Variants in ASAP1 observed in about 807,000 individuals in gnomAD.
ASAP1 encodes ArfGAP with SH3 domain, ankyrin repeat and PH domain 1.
A neutral mutation model predicts 145.2 loss-of-function variants in ASAP1; 43 were observed. That is an observed-to-expected ratio of 0.30 (90% CI 0.23 to 0.38). The LOEUF is 0.38. ASAP1 is among the 10% of genes least tolerant of loss of function. The pLI, the probability that ASAP1 is intolerant of heterozygous loss-of-function variation, is 1.00. For missense variants in ASAP1, 1,018 were observed against 1,355.3 expected (o/e 0.75, Z 3.91); for synonymous variants, 546 against 515.5 (o/e 1.06, Z -0.80).
chr8:130,075,351 C>G (rs1448090906), intron 27 of ASAP1, among the ~76,000 whole-genome samples: 4 of 152,192 alleles, frequency 2.6e-5, no homozygotes, highest in Non-Finnish European at 4.4e-5. Context: ...CCTGGCCTGA[C>G]CAGTCAGTGC....
intron 1 of ASAP1, among the ~76,000 whole-genome samples, chr8:130,433,691 T>G (rs945892368): frequency 1.3e-5 from 2 of 152,238 alleles, no homozygotes; most frequent in Admixed American, 6.5e-5. Context: ...CTTTCATGCT[T>G]CTTCTCCCTA....
intron 5 of ASAP1, among the ~76,000 whole-genome samples, chr8:130,205,848 CTCTGAATTTTGAAACAAATCTAA>C (rs1816185921): frequency 6.6e-6 from 1 of 151,960 alleles, no homozygotes; most frequent in Non-Finnish European, 1.5e-5. Flanking sequence ...ATCGGTAAAA[CTCTGAATTTTGAAACAAATCTAA>C]CCCCAAGGAT....
chr8:130,115,505 T>A (rs1012052904), intron 23 of ASAP1, 123 bp downstream of exon 23: 4 of 751,750 alleles, frequency 5.3e-6, no homozygotes, highest in Non-Finnish European at 9.3e-6. Context: ...ACAACATAAA[T>A]GGCCCTGATA....
chr8:130,254,467 T>C (rs1156586933), intron 3 of ASAP1, among the ~76,000 whole-genome samples: 1 of 152,086 alleles, frequency 6.6e-6, no homozygotes, highest in Non-Finnish European at 1.5e-5. Context: ...ACAGTATAAC[T>C]TCACACATTC....
At chr8:130,141,397 G>C (rs2097610700) in intron 13 of ASAP1, among the ~76,000 whole-genome samples, 1 of 152,040 alleles carries the variant, frequency 6.6e-6, no homozygotes, top group African/African-American at 2.4e-5. Context: ...AGAGCTCCCT[G>C]CTCACTCCCT....
At chr8:130,440,140 T>C (rs113102810) in intron 1 of ASAP1, among the ~76,000 whole-genome samples, 4,790 of 152,184 alleles carry the variant, frequency 0.031, 96 homozygotes, top group African/African-American at 0.057. Flanking sequence ...TCTACCTCCA[T>C]TGCTGCTGTC....
Position 130,116,702 on chromosome 8 carries a change from T to C in ASAP1, c.2040A>G (p.Leu680=), listed in dbSNP as rs373027408. 1.2e-6 allele frequency: 2 copies of C among 1,614,044 alleles called. No homozygotes were observed. Among genetic ancestry groups the C allele is most frequent in the Non-Finnish European group, 1.7e-6 (2 of 1,180,004 alleles). Residue 680 remains leucine (L), a synonymous_variant, in exon 22 of 30, where the codon CTA becomes CTG. Coordinates refer to ENST00000518721, the MANE Select transcript of ASAP1 (RefSeq NM_018482.4). ...GETALDIAKR[L]KATQCEDLLS... ...CCAGATCTTCACACTGGGTAGCTTT[T>C]AGTCTCTTTGCTATGTCTAGGGCAG...
chr8:130,346,446 C>T (rs553165789), intron 3 of ASAP1, among the ~76,000 whole-genome samples: 1 of 152,318 alleles, frequency 6.6e-6, no homozygotes, highest in African/African-American at 2.4e-5. Context: ...GCATGCATAT[C>T]TGCATTTTTT....
At position 130,299,387 on chromosome 8, in the gene ASAP1, G is replaced by T. The variant is rs560640932; in HGVS notation, c.186+58630C>A. 3.3e-5 allele frequency among the ~76,000 whole-genome samples: 5 copies of T among 152,272 alleles called. No homozygotes were observed. The East Asian group carries it at 9.6e-4, about 29-fold the overall frequency. On this transcript the variant is annotated intron_variant, in intron 3 of 29. Transcript: ENST00000518721. ...AGGGAATACAAAAGGTAAAAAAGTAGGTCACAAATAAACTCAGCAATACTA... is the reference window on the plus strand; with the variant it reads ...AGGGAATACAAAAGGTAAAAAAGTATGTCACAAATAAACTCAGCAATACTA...
Position 130,285,743 on chromosome 8 carries a change from C to T in ASAP1, c.187-48749G>A, listed in dbSNP as rs368849348. ...AGTTTTTGTCTTCTATAGGCAATAG[C>T]CAGACTTTCTGTAAAAAATATGAAA... On this transcript the variant is annotated intron_variant, in intron 3 of 29. Transcript: ENST00000518721. 3.3e-5 allele frequency among the ~76,000 whole-genome samples: 5 copies of T among 152,124 alleles called. No individual in the cohort carries two copies. In the East Asian group the frequency reaches 7.7e-4, roughly 23 times the overall value.
chr8:130,217,027 C>T (rs1261878100), intron 4 of ASAP1, among the ~76,000 whole-genome samples: 2 of 152,222 alleles, frequency 1.3e-5, no homozygotes, highest in Admixed American at 1.3e-4. Context: ...TATCCAAGTT[C>T]CCAATCCTTG....
At chr8:130,148,589 T>C (rs1027855761) in intron 13 of ASAP1, among the ~76,000 whole-genome samples, 2 of 152,236 alleles carry the variant, frequency 1.3e-5, no homozygotes, top group South Asian at 4.1e-4. Context: ...TTAAACAGAA[T>C]GTGACACTGG....
Position 130,159,952 on chromosome 8 carries a change from G to A in ASAP1, c.922C>T (p.Arg308Trp), listed in dbSNP as rs1405718044. 5 of 1,613,782 alleles carry A rather than the reference G, an allele frequency of 3.1e-6. No homozygotes were observed. The highest frequency in any genetic ancestry group is 4.5e-5 in the East Asian group (2 of 44,870). ...TGATGCATGCTGTATCCTCCTTGCC[G>A]GCTCTGAGAATCCTAGGAAAGAAAA... ...QLDQKEDSQS[R>W]QGGYSMHQLQ... is the part of the protein sequence containing the mutation. Residue 308 changes from arginine (R) to tryptophan (W), a missense_variant, in exon 12 of 30, where the codon CGG (arginine) becomes TGG (tryptophan). Transcript: ENST00000518721.
At chr8:130,083,380 CT>C (rs1158921873) in intron 25 of ASAP1, 2 of 152,232 alleles carry the variant, frequency 1.3e-5, no homozygotes. Context: ...TTTAGAGTCA[CT>C]TTCTGAGAAT....
Position 130,358,121 on chromosome 8 carries a change from A to C in ASAP1, c.82T>G (p.Ser28Ala), listed in dbSNP as rs1419206663. Residue 28 changes from serine to alanine, a missense_variant, in exon 3 of 30, where the codon TCG becomes GCG. Physicochemically the swap from Ser to Ala is moderately conservative, Grantham distance 99 (BLOSUM62 1). This residue lies in a region of ASAP1 where 106 missense variants were observed against 134.5 expected (regional missense o/e 0.79). Transcript: ENST00000518721. The surrounding 1 kb of genome is among the most constrained non-coding windows in gnomAD (Gnocchi z 4.1). ...WNRMPDQISVSEFIAETTEDY... is the reference protein window; with the variant it reads ...WNRMPDQISVAEFIAETTEDY... ...TCGGTGGTCTCGGCGATGAACTCCG[A>C]GACAGAGATCTGGTCCGGCATCCTG... 1 of 1,608,270 alleles carries C rather than the reference A, an allele frequency of 6.2e-7. No individual in the cohort carries two copies. The highest frequency in any genetic ancestry group is 2.2e-5 in the East Asian group (1 of 44,684).
At chr8:130,368,879 T>C (rs1453642730) in intron 2 of ASAP1, among the ~76,000 whole-genome samples, 1 of 151,990 alleles carries the variant, frequency 6.6e-6, no homozygotes, top group African/African-American at 2.4e-5. Flanking sequence ...TGAGCAACTG[T>C]ACTTCTTTTT....
intron 4 of ASAP1, among the ~76,000 whole-genome samples, chr8:130,235,758 A>C (rs1818177263): frequency 6.6e-6 from 1 of 152,148 alleles, no homozygotes; most frequent in Non-Finnish European, 1.5e-5. Flanking sequence ...TTTAAAAAAC[A>C]AGAGAATATT....
At chr8:130,154,002 T>C (rs1339972942) in intron 12 of ASAP1, among the ~76,000 whole-genome samples, 2 of 152,170 alleles carry the variant, frequency 1.3e-5, no homozygotes, top group Non-Finnish European at 2.9e-5. Context: ...AAGACCAGCC[T>C]GGACAACATA....
intron 13 of ASAP1, among the ~76,000 whole-genome samples, chr8:130,150,669 A>G (rs1284767922): frequency 6.6e-6 from 1 of 151,978 alleles, no homozygotes; most frequent in Admixed American, 6.6e-5. Flanking sequence ...ACTTAAGCTC[A>G]GGAGCTTGAG....
Sources: gnomAD v4.1 joint callset for allele counts (sites outside exome capture counted in the v4.1 genomes callset) on GRCh38, gnomAD v4.1.1 for gene constraint, gnomAD v4.1.1 regional missense constraint, Gnocchi (gnomAD v3.1) non-coding constraint, MANE v1.5 for transcripts, NCBI Gene and HGNC (gene_info 2026-07-23, HGNC 2026-07-21) for gene names.